The following TSHR variants were observed in gnomAD, a reference collection of about 807,000 sequenced individuals.
TSHR encodes thyroid stimulating hormone receptor, also known as thyrotropin receptor.
A neutral mutation model predicts 64.1 loss-of-function variants in TSHR; 51 were observed. The ratio of observed to expected loss-of-function variants is 0.80; its 90% CI spans 0.64 to 1.01. The LOEUF is 1.01. Ranked by LOEUF, TSHR falls within the 50% of genes least tolerant of loss-of-function variation. The pLI, the probability that TSHR is intolerant of heterozygous loss-of-function variation, is 0.00. For missense variants in TSHR, 877 were observed against 942.8 expected (o/e 0.93, Z 0.91); for synonymous variants, 361 against 361.9 (o/e 1.00, Z 0.03).
intron 8 of TSHR, 183 bp downstream of exon 8, chr14:81,108,635 T>G (rs1330781782): frequency 6.2e-7 from 1 of 1,614,194 alleles, no homozygotes; most frequent in Non-Finnish European, 8.5e-7. Context: ...AGAAAGTCCT[T>G]GTCCTTTGAG....
At chr14:81,016,456 C>A (rs772493882) in intron 1 of TSHR, among the ~76,000 whole-genome samples, 1 of 147,878 alleles carries the variant, frequency 6.8e-6, no homozygotes, top group Non-Finnish European at 1.5e-5. Context: ...GTCCTTTGAC[C>A]ATTTTTAATG....
intron 1 of TSHR, among the ~76,000 whole-genome samples, chr14:81,034,060 G>C (rs1884498712): frequency 6.6e-6 from 1 of 152,178 alleles, no homozygotes; most frequent in Non-Finnish European, 1.5e-5. Context: ...TTTAGAAGTA[G>C]GAAGTGAAGT....
intron 1 of TSHR, among the ~76,000 whole-genome samples, chr14:81,035,015 A>C (rs1475943412): frequency 7.1e-6 from 1 of 140,742 alleles, no homozygotes; most frequent in African/African-American, 2.7e-5. Context: ...CTTCGGGCCA[A>C]TTCCCAAAAA....
At chr14:81,121,507 T>C (rs775161453) in intron 8 of TSHR, among the ~76,000 whole-genome samples, 22 of 152,200 alleles carry the variant, frequency 1.4e-4, no homozygotes, top group African/African-American at 4.8e-4. Flanking sequence ...ATGAGGACTT[T>C]GTTAAAACAG....
chr14:81,079,936 GTTTT>G (rs1378784110), intron 3 of TSHR, among the ~76,000 whole-genome samples: 2 of 55,098 alleles, frequency 3.6e-5, no homozygotes, highest in Non-Finnish European at 7.8e-5. Context: ...GAGTTTTTGG[GTTTT>G]GTTTGTTTGT....
chr14:81,124,066 C>T (rs567079320), intron 8 of TSHR, among the ~76,000 whole-genome samples: 1 of 152,232 alleles, frequency 6.6e-6, no homozygotes, highest in South Asian at 2.1e-4. Context: ...TGAGTAAGTA[C>T]CTCCTAAGAA....
Position 81,108,422 on chromosome 14 carries a change from T to C in TSHR, c.662T>C (p.Phe221Ser). The change falls in exon 8 of 10, where the codon TTT becomes TCT. Residue 221 changes from phenylalanine to serine, a missense_variant. Phe to Ser is a radical substitution (Grantham distance 155). Transcript: ENST00000298171. ...KYLTVIDKDA[F>S]GGVYSGPSLL... The stretch of plus-strand genomic sequence containing the variant: ...CTGACAGTTATTGACAAAGATGCAT[T>C]TGGAGGAGTATACAGTGGACCAAGC... 2 of 1,613,752 alleles carry C rather than the reference T, an allele frequency of 1.2e-6. No individual in the cohort carries two copies. Among genetic ancestry groups the C allele is most frequent in the Non-Finnish European group, 1.7e-6 (2 of 1,179,898 alleles).
At chr14:80,982,482 T>C (rs1236931525) in intron 1 of TSHR, 4 of 1,065,692 alleles carry the variant, frequency 3.8e-6, no homozygotes, top group Non-Finnish European at 5.1e-6. Context: ...GGTCTGGGGC[T>C]GAGGAAGAGG....
intron 3 of TSHR, among the ~76,000 whole-genome samples, chr14:81,079,435 G>A (rs1228848682): frequency 6.6e-6 from 1 of 152,176 alleles, no homozygotes; most frequent in East Asian, 1.9e-4. Flanking sequence ...ATACCTTGCA[G>A]AGCTCTTGCC....
chr14:81,000,335 C>T (rs1022433150), intron 1 of TSHR, among the ~76,000 whole-genome samples: 2 of 152,132 alleles, frequency 1.3e-5, no homozygotes, highest in African/African-American at 2.4e-5. Flanking sequence ...ATTTTGACAT[C>T]TAGCACGATG....
intron 1 of TSHR, among the ~76,000 whole-genome samples, chr14:81,039,372 C>T (rs140780744): frequency 2.5e-3 from 374 of 152,038 alleles, no homozygotes; most frequent in African/African-American, 8.4e-3. Context: ...GATAATTCCA[C>T]AGCTAACATC....
intron 3 of TSHR, among the ~76,000 whole-genome samples, chr14:81,072,071 T>A (rs1478796454): frequency 1.3e-5 from 2 of 152,236 alleles, no homozygotes; most frequent in East Asian, 3.8e-4. Flanking sequence ...TGAAGAGTGA[T>A]GTAGTTGGTC....
chr14:80,981,968 C>A (rs1888194835), intron 1 of TSHR: 4 of 311,562 alleles, frequency 1.3e-5, no homozygotes, highest in Non-Finnish European at 2.0e-5. Flanking sequence ...TGGACAGGGC[C>A]AAGTAACTGG....
At chr14:81,072,851 G>C (rs58856793) in intron 3 of TSHR, among the ~76,000 whole-genome samples, 1 of 144,336 alleles carries the variant, frequency 6.9e-6, no homozygotes, top group Admixed American at 6.8e-5. Context: ...CAAAAAATTA[G>C]CCGGGCGTAG....
intron 2 of TSHR, among the ~76,000 whole-genome samples, chr14:81,067,666 AC>A (rs1474275849): frequency 1.3e-5 from 2 of 149,086 alleles, no homozygotes; most frequent in Non-Finnish European, 3.0e-5. Flanking sequence ...TCCTTCATAA[AC>A]TCTGATTTAA....
intron 3 of TSHR, among the ~76,000 whole-genome samples, chr14:81,080,590 C>G (rs974765397): frequency 2.6e-5 from 4 of 152,092 alleles, no homozygotes; most frequent in African/African-American, 9.7e-5. Flanking sequence ...TTTAATTTCT[C>G]AATACATTAA....
intron 1 of TSHR, among the ~76,000 whole-genome samples, chr14:80,964,056 A>C (rs1887173146): frequency 1.3e-5 from 2 of 152,106 alleles, no homozygotes; most frequent in Admixed American, 1.3e-4. Flanking sequence ...CGTAGGTGGG[A>C]GTCTATCACT....
chr14:81,058,931 C>T (rs1307167025), intron 1 of TSHR, among the ~76,000 whole-genome samples: 1 of 152,016 alleles, frequency 6.6e-6, no homozygotes, highest in African/African-American at 2.4e-5. Context: ...AACATCCAGC[C>T]CCTTGCCCCT....
intron 1 of TSHR, chr14:80,982,200 G>A (rs2139723467): frequency 5.1e-6 from 3 of 587,538 alleles, no homozygotes; most frequent in South Asian, 4.6e-5. Flanking sequence ...TGAGATGAAG[G>A]AAGGAGCCCC....
Sources: allele counts gnomAD v4.1 joint callset (sites outside exome capture counted in the v4.1 genomes callset), GRCh38; gene constraint gnomAD v4.1.1; transcripts MANE v1.5; gene names NCBI Gene and HGNC (gene_info 2026-07-23, HGNC 2026-07-21).